The following EXOC6B variants were observed in gnomAD, a reference collection of about 807,000 sequenced individuals.
EXOC6B encodes the protein exocyst complex component 6B.
Under a neutral mutation model 113.5 loss-of-function variants are expected in EXOC6B, and 54 were observed. The ratio of observed to expected loss-of-function variants is 0.48; its 90% CI spans 0.38 to 0.60. EXOC6B has a LOEUF of 0.60. EXOC6B is among the 20% of genes least tolerant of loss of function. The probability of loss-of-function intolerance (pLI) is 0.00; values close to 1 mark genes in which losing one functional copy is unlikely to be tolerated. For synonymous variants in EXOC6B, 357 were observed against 339.0 expected, an observed-to-expected ratio of 1.05 and a Z score of -0.58; for missense variants, 797 against 977.5, an observed-to-expected ratio of 0.82 and a Z score of 2.46.
chr2:72,233,643 G>C (rs1681772743), intron 20 of EXOC6B, among the ~76,000 whole-genome samples: 1 of 152,192 alleles, frequency 6.6e-6, no homozygotes, highest in Non-Finnish European at 1.5e-5. Context: ...TTAGGTCCTA[G>C]AGCAGACCAG....
chr2:72,567,838 G>C (rs1412921465), intron 7 of EXOC6B, among the ~76,000 whole-genome samples: 1 of 152,018 alleles, frequency 6.6e-6, no homozygotes, highest in Admixed American at 6.6e-5. Context: ...AAAATAAGGG[G>C]AGAAAAGGAA....
chr2:72,713,704 TAGC>T (rs2104699945), intron 6 of EXOC6B, among the ~76,000 whole-genome samples: 1 of 150,440 alleles, frequency 6.6e-6, no homozygotes, highest in South Asian at 2.1e-4. Context: ...AAGTTCTAAA[TAGC>T]AGCAATGACA....
chr2:72,298,071 T>G (rs1335473518), intron 20 of EXOC6B, among the ~76,000 whole-genome samples: 2 of 152,218 alleles, frequency 1.3e-5, no homozygotes, highest in African/African-American at 4.8e-5. Context: ...TTGATCTGTC[T>G]AATACTGACA....
chr2:72,342,051 C>A (rs1399654840), intron 19 of EXOC6B, among the ~76,000 whole-genome samples: 2 of 151,854 alleles, frequency 1.3e-5, no homozygotes, highest in African/African-American at 2.4e-5. Context: ...TAAAAACAAA[C>A]ACAATATATC....
At chr2:72,557,297 G>T (rs563560435) in intron 8 of EXOC6B, among the ~76,000 whole-genome samples, 1 of 94,476 alleles carries the variant, frequency 1.1e-5, no homozygotes, top group East Asian at 3.3e-4. Flanking sequence ...ATCCGGGGGG[G>T]GGGGGGGGCC....
chr2:72,188,338 G>A (rs925772348), intron 20 of EXOC6B, among the ~76,000 whole-genome samples: 1 of 152,194 alleles, frequency 6.6e-6, no homozygotes, highest in African/African-American at 2.4e-5. Flanking sequence ...GGAATGACAA[G>A]CTATCTAATT....
chr2:72,239,925 A>G (rs1682197566), intron 20 of EXOC6B, among the ~76,000 whole-genome samples: 1 of 152,008 alleles, frequency 6.6e-6, no homozygotes, highest in Admixed American at 6.6e-5. Flanking sequence ...TTATAAGTGA[A>G]GTTTTCTTCA....
At chr2:72,438,385 G>C (rs1558666230) in intron 18 of EXOC6B, among the ~76,000 whole-genome samples, 1 of 151,994 alleles carries the variant, frequency 6.6e-6, no homozygotes, top group Non-Finnish European at 1.5e-5. Flanking sequence ...GAGGTAGTAG[G>C]ATCACTTGAG....
At chr2:72,493,659 T>A (rs568308772) in intron 15 of EXOC6B, among the ~76,000 whole-genome samples, 75 of 152,180 alleles carry the variant, frequency 4.9e-4, no homozygotes, top group African/African-American at 1.7e-3. Flanking sequence ...TGAGTATGAA[T>A]GCTAGAAGAG....
At chr2:72,772,317 C>G (rs891070203) in intron 1 of EXOC6B, among the ~76,000 whole-genome samples, 2 of 152,054 alleles carry the variant, frequency 1.3e-5, no homozygotes, top group African/African-American at 4.8e-5. Flanking sequence ...CCAGGCCTGC[C>G]CCTGCAGGAC....
At chr2:72,755,519 A>G (rs1233211147) in intron 1 of EXOC6B, among the ~76,000 whole-genome samples, 1 of 152,154 alleles carries the variant, frequency 6.6e-6, no homozygotes, top group African/African-American at 2.4e-5. Flanking sequence ...TCTTACCCCA[A>G]AGAGAAGCAC....
chr2:72,356,983 C>T (rs146560774), intron 19 of EXOC6B, among the ~76,000 whole-genome samples: 100 of 152,224 alleles, frequency 6.6e-4, no homozygotes, highest in African/African-American at 2.3e-3. Context: ...CATGAATACA[C>T]TGGACAAAAG....
intron 3 of EXOC6B, among the ~76,000 whole-genome samples, chr2:72,732,775 A>G (rs1402916143): frequency 6.6e-6 from 1 of 152,206 alleles, no homozygotes; most frequent in Non-Finnish European, 1.5e-5. Flanking sequence ...ACATTTGAGC[A>G]AAGATTTGAA....
chr2:72,397,227 T>C (rs1193621614), intron 18 of EXOC6B, among the ~76,000 whole-genome samples: 3 of 152,138 alleles, frequency 2.0e-5, no homozygotes, highest in African/African-American at 4.8e-5. Context: ...AGCAGCTATC[T>C]TGGAACCTTG....
At chr2:72,645,837 C>T (rs1673665928) in intron 6 of EXOC6B, among the ~76,000 whole-genome samples, 1 of 152,100 alleles carries the variant, frequency 6.6e-6, no homozygotes, top group African/African-American at 2.4e-5. Context: ...CAAAAGAAAG[C>T]AGGAAAGATC....
At chr2:72,746,813 T>C (rs1027472981) in intron 1 of EXOC6B, among the ~76,000 whole-genome samples, 10 of 152,050 alleles carry the variant, frequency 6.6e-5, no homozygotes, top group Non-Finnish European at 2.9e-5. Context: ...TCCTCTCTAC[T>C]GCATCAGTCT....
chr2:72,757,777 A>C (rs947847805), intron 1 of EXOC6B, among the ~76,000 whole-genome samples: 9 of 152,140 alleles, frequency 5.9e-5, no homozygotes, highest in Non-Finnish European at 1.3e-4. Flanking sequence ...CCAAGAAGCA[A>C]TCACCACTGG....
At chr2:72,575,992 C>A (rs1704829223) in intron 6 of EXOC6B, among the ~76,000 whole-genome samples, 1 of 152,206 alleles carries the variant, frequency 6.6e-6, no homozygotes, top group East Asian at 1.9e-4. Context: ...TAAATCATCA[C>A]AAAAAGAAAT....
At chr2:72,731,356 T>C (rs1265259648) in intron 3 of EXOC6B, 111 bp from the exon 4 acceptor site, 4 of 786,974 alleles carry the variant, frequency 5.1e-6, no homozygotes, top group East Asian at 5.3e-5. Context: ...GACAGTTTCA[T>C]AGTAAGACCT....
Sources: gnomAD v4.1 joint callset for allele counts (sites outside exome capture counted in the v4.1 genomes callset) on GRCh38, gnomAD v4.1.1 for gene constraint, MANE v1.5 for transcripts, NCBI Gene and HGNC (gene_info 2026-07-23, HGNC 2026-07-21) for gene names.